Variants in PTPRM observed in about 807,000 individuals in gnomAD.
PTPRM encodes receptor-type tyrosine-protein phosphatase mu.
In PTPRM, 47 loss-of-function variants were observed where a neutral mutation model predicts 186.7. The observed-to-expected ratio is 0.25, with a 90% CI of 0.20 to 0.32. PTPRM has a LOEUF of 0.32. PTPRM is among the 10% of genes least tolerant of loss of function. The probability of loss-of-function intolerance (pLI) is 1.00; values close to 1 mark genes in which losing one functional copy is unlikely to be tolerated. For missense variants in PTPRM, 1,494 were observed against 1,865.0 expected (o/e 0.80, Z 3.66); for synonymous variants, 668 against 674.9 (o/e 0.99, Z 0.16).
chr18:7,880,764 G>C lies in PTPRM; in HGVS notation c.197-7342G>C, dbSNP rs144992685. On this transcript the variant is annotated intron_variant, in intron 2 of 32. Transcript: ENST00000580170. ...GACATATTCTTTAGGAGCTGTGTCAGTACTGACTGAGGGAGTTGGAGGAGG... is the reference window on the plus strand; with the variant it reads ...GACATATTCTTTAGGAGCTGTGTCACTACTGACTGAGGGAGTTGGAGGAGG... Among the ~76,000 whole-genome samples the C allele has an allele frequency of 4.4e-3, 676 of 152,296 alleles. 4 individuals carry two copies. Among genetic ancestry groups the C allele is most frequent in the African/African-American group, 0.016 (653 of 41,560 alleles).
intron 1 of PTPRM, among the ~76,000 whole-genome samples, chr18:7,581,527 G>T (rs991313999): frequency 1.3e-5 from 2 of 151,934 alleles, no homozygotes; most frequent in Non-Finnish European, 2.9e-5. Flanking sequence ...AATTTATTTT[G>T]CTGTATTTTA....
chr18:8,379,088 G>T, intron 27 of PTPRM, 79 bp from the exon 28 acceptor site: 1 of 1,238,970 alleles, frequency 8.1e-7, no homozygotes, highest in Non-Finnish European at 1.1e-6. Context: ...CAGGAAGTTT[G>T]CATCTTTCGA....
intron 1 of PTPRM, among the ~76,000 whole-genome samples, chr18:7,706,288 C>A (rs2040086989): frequency 1.3e-5 from 2 of 151,742 alleles, no homozygotes; most frequent in Admixed American, 6.6e-5. Context: ...TGAGATTTTA[C>A]AGTAGCTCAA....
intron 14 of PTPRM, among the ~76,000 whole-genome samples, chr18:8,220,790 T>C (rs2094144536): frequency 6.6e-6 from 1 of 152,244 alleles, no homozygotes; most frequent in African/African-American, 2.4e-5. Context: ...TCAATTACCA[T>C]TGAATTACAT....
intron 1 of PTPRM, among the ~76,000 whole-genome samples, chr18:7,626,851 T>G (rs1449327766): frequency 6.6e-6 from 1 of 152,174 alleles, no homozygotes; most frequent in African/African-American, 2.4e-5. Context: ...CTGGAACTCC[T>G]GTGTAAACAT....
intron 1 of PTPRM, among the ~76,000 whole-genome samples, chr18:7,577,308 T>C (rs1464938416): frequency 6.6e-6 from 1 of 152,234 alleles, no homozygotes; most frequent in Non-Finnish European, 1.5e-5. Flanking sequence ...CAGTTATTGC[T>C]ATAAAGTAGC....
intron 14 of PTPRM, among the ~76,000 whole-genome samples, chr18:8,179,731 G>A (rs1311904448): frequency 6.6e-6 from 1 of 151,884 alleles, no homozygotes; most frequent in Non-Finnish European, 1.5e-5. Flanking sequence ...GCTTCCTAAA[G>A]TGCTGGGATT....
chr18:8,198,165 A>G (rs1460439282), intron 14 of PTPRM, among the ~76,000 whole-genome samples: 1 of 152,158 alleles, frequency 6.6e-6, no homozygotes, highest in Non-Finnish European at 1.5e-5. Flanking sequence ...CTTTGTTGTT[A>G]GACAGGATCT....
intron 14 of PTPRM, among the ~76,000 whole-genome samples, chr18:8,234,076 C>G (rs557549057): frequency 3.3e-5 from 5 of 152,224 alleles, no homozygotes; most frequent in Admixed American, 3.3e-4. Context: ...CAACTTTTTT[C>G]TAATCAGTAT....
At chr18:8,382,531 GTTT>G (rs1237444561) in intron 29 of PTPRM, among the ~76,000 whole-genome samples, 1 of 152,178 alleles carries the variant, frequency 6.6e-6, no homozygotes. Context: ...TGACAAGGCA[GTTT>G]TATAACTTGT....
intron 2 of PTPRM, among the ~76,000 whole-genome samples, chr18:7,852,860 C>T (rs1222789854): frequency 2.0e-5 from 3 of 151,914 alleles, no homozygotes; most frequent in African/African-American, 4.8e-5. Context: ...TGTCAATCAA[C>T]CAACCAATCA....
At chr18:8,351,944 G>A (rs1339279760) in intron 23 of PTPRM, among the ~76,000 whole-genome samples, 1 of 152,170 alleles carries the variant, frequency 6.6e-6, no homozygotes, top group Non-Finnish European at 1.5e-5. Context: ...TTCTCTGCCT[G>A]AAAACCTCAG....
rs1326985914 is a variant in PTPRM, at chr18:8,054,680, AG to A, written c.1133-15005del. Among the ~76,000 whole-genome samples the A allele has an allele frequency of 2.0e-5, 3 of 152,032 alleles. No homozygotes were observed. The East Asian group carries it at 5.8e-4, about 29-fold the overall frequency. ...GCAGTCTAATTCTGTATATATAAAA[AG>A]CTCTAAAATTAGACAGTATTGTTAT... On this transcript the variant is annotated intron_variant, in intron 7 of 32. Transcript: ENST00000580170.
intron 2 of PTPRM, among the ~76,000 whole-genome samples, chr18:7,869,678 T>G (rs1229084610): frequency 1.3e-5 from 2 of 152,186 alleles, no homozygotes; most frequent in Non-Finnish European, 2.9e-5. Context: ...TTTTAGATTT[T>G]TAAGCTTCCC....
intron 1 of PTPRM, among the ~76,000 whole-genome samples, chr18:7,743,207 C>T (rs977154467): frequency 3.3e-5 from 5 of 152,182 alleles, no homozygotes; most frequent in Non-Finnish European, 7.3e-5. Context: ...CTTAGCTTTT[C>T]TTTGCCTAAT....
Position 7,882,131 on chromosome 18 carries a change from C to T in PTPRM, c.197-5975C>T, listed in dbSNP as rs543138811. On this transcript the variant is annotated intron_variant, in intron 2 of 32. Transcript: ENST00000580170. The stretch of plus-strand genomic sequence containing the variant: ...CCCACTCATTGTTTCTGGTCCCTGA[C>T]CAGTACAGAAACTGAGAGCAAGTCT... Among the ~76,000 whole-genome samples the T allele has an allele frequency of 5.8e-4, 88 of 152,074 alleles. 1 individual carries two copies. Among genetic ancestry groups the T allele is most frequent in the Non-Finnish European group, 4.3e-4 (29 of 68,022 alleles).
intron 7 of PTPRM, among the ~76,000 whole-genome samples, chr18:8,033,745 T>C (rs1600176585): frequency 6.6e-6 from 1 of 152,248 alleles, no homozygotes; most frequent in Non-Finnish European, 1.5e-5. Flanking sequence ...TTTTAAATGA[T>C]AGTACCTGAA....
chr18:8,240,777 GGAGAGAGAGAGAGAGAGAGAGAGA>G (rs747648655), intron 14 of PTPRM, among the ~76,000 whole-genome samples: 4,705 of 57,172 alleles, frequency 0.082, 110 homozygotes, highest in Middle Eastern at 0.32. Context: ...AGAGAGAGAG[GGAGAGAGAGAGAGAGAGAGAGAGA>G]GAGAGAGAGA....
At chr18:8,233,547 T>G (rs1568569287) in intron 14 of PTPRM, among the ~76,000 whole-genome samples, 2 of 152,338 alleles carry the variant, frequency 1.3e-5, no homozygotes, top group Non-Finnish European at 2.9e-5. Context: ...TATTTGAACA[T>G]TATGGATACC....
Sources: allele counts gnomAD v4.1 joint callset (sites outside exome capture counted in the v4.1 genomes callset), GRCh38; gene constraint gnomAD v4.1.1; transcripts MANE v1.5; gene names NCBI Gene and HGNC (gene_info 2026-07-23, HGNC 2026-07-21).